ZGPAT: variants seen among roughly 807,000 people sequenced by gnomAD.
The protein encoded by ZGPAT is zinc finger CCCH-type with G patch domain-containing protein.
Under a neutral mutation model 47.9 loss-of-function variants are expected in ZGPAT, and 39 were observed. The observed-to-expected ratio is 0.81, with a 90% confidence interval of 0.63 to 1.06. The LOEUF is 1.06. Ranked by LOEUF, ZGPAT falls within the 50% of genes least tolerant of loss-of-function variation. ZGPAT has a pLI of 0.00. For synonymous variants in ZGPAT, 348 were observed against 292.9 expected, an observed-to-expected ratio of 1.19 and a Z score of -1.92; for missense variants, 717 against 681.4, an observed-to-expected ratio of 1.05 and a Z score of -0.58.
rs373776605 is a variant in ZGPAT at position 63,734,654 on chromosome 20, C to T, written c.872-51C>T. 5.0e-6 allele frequency: 8 copies of T among 1,600,666 alleles called. No homozygotes were observed. The highest frequency in any genetic ancestry group is 2.7e-5 in the African/African-American group (2 of 74,548). On this transcript the variant is annotated intron_variant, in intron 4 of 6. Coordinates refer to ENST00000355969, the MANE Select transcript of ZGPAT (RefSeq NM_181485.3). ...TGTCCATCTCTTGCAGTGGTGGGGT[C>T]GGACGCCGTGGACTCTGCACAGTCC...
chr20:63,710,082 A>G (rs576627586), intron 2 of ZGPAT, among the ~76,000 whole-genome samples: 227 of 150,856 alleles, frequency 1.5e-3, no homozygotes, highest in African/African-American at 4.9e-3. Context: ...GGATGGTCTC[A>G]ATCTCCTGAC....
At chr20:63,733,866 C>T in intron 4 of ZGPAT, 127 bp downstream of exon 4, 1 of 1,330,656 alleles carries the variant, frequency 7.5e-7, no homozygotes, top group Non-Finnish European at 1.0e-6. Context: ...GAGGGTGCCA[C>T]CTGTGCCTGA....
rs754670538 is a variant in ZGPAT, at chr20:63,733,691, G to A, written c.823G>A (p.Glu275Lys). ...GCCCCCACTGCGCACAGAGGCCACA[G>A]AGTCCGACTCAGACAGCGACGGTAC... ...ILPPLRTEATESDSDSDGTGD... is the reference protein window; with the variant it reads ...ILPPLRTEATKSDSDSDGTGD... The change falls in exon 4 of 7, where the codon GAG (glutamate) becomes AAG (lysine). Residue 275 changes from glutamate (E) to lysine (K), a missense_variant. Glu to Lys is a moderately conservative substitution (Grantham distance 56, BLOSUM62 1). Transcript: ENST00000355969. 6.2e-7 allele frequency: 1 copy of A among 1,613,988 alleles called. No homozygotes were observed. Among genetic ancestry groups the A allele is most frequent in the Non-Finnish European group, 8.5e-7 (1 of 1,180,014 alleles).
Position 63,733,832 on chromosome 20 carries a change from T to C in ZGPAT, c.871+93T>C, listed in dbSNP as rs2091948301. On this transcript the variant is annotated intron_variant, in intron 4 of 6. Transcript: ENST00000355969. ...GAGGGCACCAACCATCTAACCAAAC[T>C]ATTGGAGAGTGTGTGACTGCGGCGA... is the stretch of plus-strand genomic sequence containing the variant. 5.3e-6 allele frequency: 8 copies of C among 1,501,088 alleles called. No homozygotes were observed. In the African/African-American group the frequency reaches 7.0e-5, roughly 13 times the overall value. The allele number at this position is 1,501,088 out of a possible 1,614,324, so 93.0% of individuals were successfully genotyped here. A position where few individuals can be genotyped will look rare whatever the true frequency, so the allele number is the denominator to read the frequency against.
At chr20:63,727,250 T>G (rs919342580) in intron 2 of ZGPAT, among the ~76,000 whole-genome samples, 1 of 149,564 alleles carries the variant, frequency 6.7e-6, no homozygotes, top group African/African-American at 2.4e-5. Context: ...CTTTTTTTCT[T>G]TTTTTTTTTA....
chr20:63,721,143 G>A (rs1018666843), intron 2 of ZGPAT, among the ~76,000 whole-genome samples: 3 of 152,110 alleles, frequency 2.0e-5, no homozygotes, highest in African/African-American at 7.2e-5. Context: ...CTTGAGGTCA[G>A]GAGTTTAAGA....
chr20:63,726,204 A>T (rs1601334797), intron 2 of ZGPAT, among the ~76,000 whole-genome samples: 1 of 146,204 alleles, frequency 6.8e-6, no homozygotes, highest in African/African-American at 2.5e-5. Flanking sequence ...CATCTAATTA[A>T]TTTTTTTTTT....
chr20:63,729,527 A>G (rs994741068), intron 2 of ZGPAT, among the ~76,000 whole-genome samples: 4 of 152,104 alleles, frequency 2.6e-5, no homozygotes, highest in Admixed American at 1.3e-4. Flanking sequence ...TGTGAAATCC[A>G]TCGTCTTTCT....
Position 63,708,920 on chromosome 20 carries a change from G to T in ZGPAT, c.340G>T (p.Ala114Ser). Residue 114 changes from alanine (A) to serine (S), a missense_variant, in exon 2 of 7, where the codon GCG becomes TCG. Ala to Ser is a moderately conservative substitution (Grantham distance 99). Transcript: ENST00000355969. ...VPKAEAGPES[A>S]AGGQEEEEGE... ...TAAAGCAGAGGCGGGGCCAGAATCT[G>T]CGGCAGGTGGGCAGGAGGAGGAAGA... 1.9e-6 allele frequency: 3 copies of T among 1,612,602 alleles called. No homozygotes were observed. Among genetic ancestry groups the T allele is most frequent in the South Asian group, 1.1e-5 (1 of 91,030 alleles).
At chr20:63,708,446 A>G in intron 1 of ZGPAT, 107 bp from the exon 2 acceptor site, 2 of 771,918 alleles carry the variant, frequency 2.6e-6, no homozygotes, top group Non-Finnish European at 4.1e-6. Context: ...TGTGCCTCTG[A>G]GCCGGTGTCT....
chr20:63,718,625 AT>A (rs368495569), intron 2 of ZGPAT, among the ~76,000 whole-genome samples: 27,584 of 145,020 alleles, frequency 0.19, 2,759 homozygotes, highest in South Asian at 0.3. Flanking sequence ...CCAGCCCCCA[AT>A]TTTTTTTTTT....
intron 2 of ZGPAT, among the ~76,000 whole-genome samples, chr20:63,710,246 C>T (rs1008257525): frequency 1.9e-4 from 29 of 151,144 alleles, no homozygotes; most frequent in Admixed American, 5.3e-4. Flanking sequence ...CTCTGTCTCC[C>T]GGGTTGAAGT....
intron 2 of ZGPAT, among the ~76,000 whole-genome samples, chr20:63,726,422 A>G (rs1284315183): frequency 6.6e-6 from 1 of 151,936 alleles, no homozygotes; most frequent in African/African-American, 2.4e-5. Context: ...GCTGGTCTTA[A>G]ACCCCTGACC....
In ZGPAT at chr20:63,735,448, C is replaced by T. The variant is rs2091975018; in HGVS notation, c.1281C>T (p.Ala427=). The part of the protein sequence containing the change: ...AGRRSKDMYH[A]SKSAKRALSL... Reference sequence around the variant, plus strand: ...GGAGGAGCAAGGACATGTACCATGCCAGCAAGAGTGCCAAGCGGGCCCTGA... The same window carrying T: ...GGAGGAGCAAGGACATGTACCATGCTAGCAAGAGTGCCAAGCGGGCCCTGA... The change falls in exon 6 of 7, where the codon GCC becomes GCT. Residue 427 remains alanine, a synonymous_variant. Coordinates refer to ENST00000355969, the MANE Select transcript of ZGPAT (RefSeq NM_181485.3). 1 of 1,570,260 alleles carries T rather than the reference C, an allele frequency of 6.4e-7. No homozygotes were observed. Among genetic ancestry groups the T allele is most frequent in the South Asian group, 1.2e-5 (1 of 83,912 alleles).
chr20:63,735,927 ACAAG>A lies in ZGPAT; in HGVS notation c.*11_*14del. ...AAGATGACTGAGTTCTAGAGACCCC[ACAAG>A]CACTATGGACGAAGCGTGGGACCCC... On this transcript the variant is annotated 3_prime_UTR_variant, in exon 7 of 7. Transcript: ENST00000355969. The A allele has an allele frequency of 6.2e-7, 1 of 1,609,132 alleles. No individual in the cohort carries two copies. Among genetic ancestry groups the A allele is most frequent in the South Asian group, 1.1e-5 (1 of 90,852 alleles).
At chr20:63,733,094 GTA>G (rs2145700487) in intron 2 of ZGPAT, 123 bp from the exon 3 acceptor site, 1 of 1,241,336 alleles carries the variant, frequency 8.1e-7, no homozygotes, top group East Asian at 2.4e-5. Context: ...GAGTGTGTAT[GTA>G]TACGCACGCG....
At position 63,732,062 on chromosome 20, in the gene ZGPAT, ATG is replaced by A. The variant is rs574661066; in HGVS notation, c.585-1151_585-1150del. ...TATGCAAGTGTGAGTGTGTATATGC[ATG>A]TGTGTATATGCATGCCATGTGTGTG... On this transcript the variant is annotated intron_variant, in intron 2 of 6. Transcript: ENST00000355969. 5.6e-3 allele frequency among the ~76,000 whole-genome samples: 853 copies of A among 152,096 alleles called. 7 individuals are homozygous for A. Among genetic ancestry groups the A allele is most frequent in the African/African-American group, 0.016 (673 of 41,482 alleles).
intron 1 of ZGPAT, among the ~76,000 whole-genome samples, 188 bp from the exon 2 acceptor site, chr20:63,708,365 C>G (rs1442007518): frequency 2.6e-5 from 4 of 152,016 alleles, no homozygotes; most frequent in Non-Finnish European, 5.9e-5. Flanking sequence ...AGCGGCGAGC[C>G]CACGGCGGCT....
intron 2 of ZGPAT, among the ~76,000 whole-genome samples, chr20:63,726,790 G>A (rs1601335542): frequency 1.3e-5 from 2 of 152,158 alleles, no homozygotes. Context: ...GCCTCCCAAA[G>A]TCCAGGGATT....
Sources: allele counts gnomAD v4.1 joint callset (sites outside exome capture counted in the v4.1 genomes callset), GRCh38; gene constraint gnomAD v4.1.1; transcripts MANE v1.5; gene names NCBI Gene and HGNC (gene_info 2026-07-23, HGNC 2026-07-21).